Variants in EHF observed in about 807,000 individuals in gnomAD.
The protein encoded by EHF is ETS homologous factor, also known as ESE3 transcription factor.
A neutral mutation model predicts 45.1 loss-of-function variants in EHF; 14 were observed. The observed-to-expected ratio is 0.31, with a 90% CI of 0.21 to 0.49. The LOEUF is 0.49. EHF is among the 20% of genes least tolerant of loss of function. The probability of loss-of-function intolerance (pLI) is 0.99; values close to 1 mark genes in which losing one functional copy is unlikely to be tolerated. For synonymous variants in EHF, 136 were observed against 131.8 expected (o/e 1.03, Z -0.22); for missense variants, 282 against 371.4 (o/e 0.76, Z 1.98).
chr11:34,640,701 G>C (rs1247267218), intron 1 of EHF, among the ~76,000 whole-genome samples: 1 of 152,176 alleles, frequency 6.6e-6, no homozygotes, highest in Non-Finnish European at 1.5e-5. Context: ...TTTGACTTGA[G>C]GTTGTTTTCT....
chr11:34,642,643 G>T lies in EHF; in HGVS notation c.13G>T (p.Gly5Ter), dbSNP rs1286570451. 6.2e-7 allele frequency: 1 copy of T among 1,613,396 alleles called. No individual in the cohort carries two copies. Among genetic ancestry groups the T allele is most frequent in the Non-Finnish European group, 8.5e-7 (1 of 1,179,482 alleles). MILE[G>*]GGVMNLNPGN... ...CCCCTAACAGATCATGATTCTGGAA[G>T]GAGGTGGTGTAATGAATCTCAACCC... Residue 5 changes from glycine (G) to a stop codon, truncating the protein, a stop_gained, in exon 2 of 9, where the codon GGA becomes TGA. Transcript: ENST00000257831. LOFTEE classifies it high-confidence loss of function.
At chr11:34,621,959 A>T (rs1429396379) in intron 1 of EHF, 2 of 152,432 alleles carry the variant, frequency 1.3e-5, no homozygotes, top group African/African-American at 2.4e-5. Context: ...TACAACAATC[A>T]GTTTTGGCAA....
In EHF at chr11:34,651,783, A is replaced by G; in HGVS notation, c.522A>G (p.Thr174=). Residue 174 remains threonine (T), a synonymous_variant, in exon 6 of 9, where the codon ACA becomes ACG. Transcript: ENST00000257831. The part of the protein sequence containing the change: ...KTFCRAQISM[T]TTSHLPVAES... ...TCTGCCGGGCTCAGATCTCCATGAC[A>G]ACCACCAGTCACCTTCCTGTTGGTA... The G allele has an allele frequency of 6.2e-7, 1 of 1,613,934 alleles. No individual in the cohort carries two copies. Among genetic ancestry groups the G allele is most frequent in the Non-Finnish European group, 8.5e-7 (1 of 1,179,886 alleles).
chr11:34,622,431 A>AT, intron 1 of EHF: 1 of 1,280,728 alleles, frequency 7.8e-7, no homozygotes, highest in South Asian at 1.3e-5. Flanking sequence ...AGATGTGTTG[A>AT]TAGTCTTTCA....
At chr11:34,629,376 A>C (rs766725594) in intron 1 of EHF, among the ~76,000 whole-genome samples, 1 of 152,286 alleles carries the variant, frequency 6.6e-6, no homozygotes, top group Non-Finnish European at 1.5e-5. Flanking sequence ...TCTGTTCTGG[A>C]AGGAAAAATG....
intron 1 of EHF, among the ~76,000 whole-genome samples, chr11:34,627,654 A>G (rs1852494131): frequency 6.6e-6 from 1 of 152,214 alleles, no homozygotes; most frequent in Admixed American, 6.5e-5. Flanking sequence ...GCCTATTTGA[A>G]TTGAACAAGT....
rs527693835 is a variant in EHF, at chr11:34,633,112, G to T, written c.-3-9516G>T. ...TCCTGATGCAAGTAACCATCAGAGAGATCCTCTGCAAGCGCTATATTCTGG... is the reference window on the plus strand; with the variant it reads ...TCCTGATGCAAGTAACCATCAGAGATATCCTCTGCAAGCGCTATATTCTGG... On this transcript the variant is annotated intron_variant, in intron 1 of 8. Coordinates refer to ENST00000257831, the MANE Select transcript of EHF (RefSeq NM_012153.6). Among the ~76,000 whole-genome samples, 11 of 152,294 alleles carry T rather than the reference G, an allele frequency of 7.2e-5. No individual in the cohort carries two copies. The South Asian group carries it at 2.1e-3, about 29-fold the overall frequency.
chr11:34,658,177 G>A (rs1855839097), intron 7 of EHF, among the ~76,000 whole-genome samples: 1 of 152,094 alleles, frequency 6.6e-6, no homozygotes, highest in South Asian at 2.1e-4. Context: ...ACAGGTTGAA[G>A]TGAACCCCAA....
At chr11:34,648,701 G>A (rs1854828910) in intron 3 of EHF, among the ~76,000 whole-genome samples, 2 of 152,140 alleles carry the variant, frequency 1.3e-5, no homozygotes. Context: ...AAGGTAAAGT[G>A]CACACACCTT....
intron 1 of EHF, among the ~76,000 whole-genome samples, chr11:34,625,979 A>G (rs1852344003): frequency 6.6e-6 from 1 of 152,210 alleles, no homozygotes; most frequent in Non-Finnish European, 1.5e-5. Context: ...GATTAAAACA[A>G]AGCCAAAAAT....
rs781572514 is a variant in EHF, at chr11:34,651,500, G to C, written c.407-42G>C. 18 of 1,541,780 alleles carry C rather than the reference G, an allele frequency of 1.2e-5. No individual in the cohort carries two copies. The African/African-American group carries it at 2.6e-4, about 22-fold the overall frequency. On this transcript the variant is annotated intron_variant, in intron 4 of 8. Coordinates refer to ENST00000257831, the MANE Select transcript of EHF (RefSeq NM_012153.6). ...GAAAACGCAGCCTCTTCTCCCTGGG[G>C]AAAAGAGATCGCTGACTATTCTCCT... is the stretch of plus-strand genomic sequence containing the variant.
intron 4 of EHF, 146 bp from the exon 5 acceptor site, chr11:34,651,396 G>A (rs956076892): frequency 2.8e-5 from 18 of 654,476 alleles, no homozygotes; most frequent in East Asian, 2.2e-4. Context: ...ATAAAGTAAC[G>A]CAGCTGAAGC....
intron 3 of EHF, 39 bp from the exon 4 acceptor site, chr11:34,648,980 T>C (rs373947441): frequency 1.3e-6 from 2 of 1,598,648 alleles, no homozygotes; most frequent in African/African-American, 2.7e-5. Flanking sequence ...TCTGGCTCCA[T>C]CTGGGCCCTC....
rs139552099 is a variant in EHF at position 34,635,869 on chromosome 11, G to A, written c.-3-6759G>A. The stretch of plus-strand genomic sequence containing the variant: ...AGGAGGGATGGCTTTCGTCCTTTGG[G>A]TAAGAACTGTGCCCAGCCAGAGGGG... On this transcript the variant is annotated intron_variant, in intron 1 of 8. Coordinates refer to ENST00000257831, the MANE Select transcript of EHF (RefSeq NM_012153.6). Among the ~76,000 whole-genome samples, 1,283 of 152,198 alleles carry A rather than the reference G, an allele frequency of 8.4e-3. 7 individuals carry two copies. The highest frequency in any genetic ancestry group is 0.034 in the Middle Eastern group (10 of 294).
At chr11:34,656,121 A>G (rs749746813) in intron 6 of EHF, among the ~76,000 whole-genome samples, 3 of 151,998 alleles carry the variant, frequency 2.0e-5, no homozygotes, top group Admixed American at 6.6e-5. Flanking sequence ...CGGCTAGATC[A>G]TTTAGTTTTC....
chr11:34,652,839 G>A (rs1855304146), intron 6 of EHF, among the ~76,000 whole-genome samples: 2 of 152,352 alleles, frequency 1.3e-5, no homozygotes, highest in Middle Eastern at 3.4e-3. Flanking sequence ...GGGGCTGGGA[G>A]CCAATGTAAA....
At chr11:34,640,666 A>G (rs913973261) in intron 1 of EHF, among the ~76,000 whole-genome samples, 3 of 152,198 alleles carry the variant, frequency 2.0e-5, no homozygotes, top group Non-Finnish European at 4.4e-5. Flanking sequence ...GAAAATACCC[A>G]GTTATTATGA....
At chr11:34,651,486 C>T (rs1855159879) in intron 4 of EHF, 56 bp from the exon 5 acceptor site, 6 of 1,472,750 alleles carry the variant, frequency 4.1e-6, no homozygotes, top group Non-Finnish European at 1.9e-6. Flanking sequence ...AAAACGCAGC[C>T]TCTTCTCCCT....
At chr11:34,654,148 G>A (rs564033711) in intron 6 of EHF, among the ~76,000 whole-genome samples, 2 of 152,288 alleles carry the variant, frequency 1.3e-5, no homozygotes, top group South Asian at 2.1e-4. Context: ...TGCTTCTTGC[G>A]AAGCAGCTTA....
Sources: allele counts gnomAD v4.1 joint callset (sites outside exome capture counted in the v4.1 genomes callset), GRCh38; gene constraint gnomAD v4.1.1; transcripts MANE v1.5; gene names NCBI Gene and HGNC (gene_info 2026-07-23, HGNC 2026-07-21).